WNT4: variants seen among roughly 807,000 people sequenced by gnomAD.
WNT4 encodes protein Wnt-4.
Under a neutral mutation model 34.5 loss-of-function variants are expected in WNT4, and 16 were observed. The observed-to-expected ratio is 0.46, with a 90% CI of 0.31 to 0.70. WNT4 has a LOEUF of 0.70. Among genes scored for constraint, WNT4 ranks in the 30% least tolerant of loss-of-function variants. WNT4 has a pLI of 0.04. For synonymous variants in WNT4, 200 were observed against 211.9 expected (o/e 0.94, Z 0.49); for missense variants, 379 against 495.9 (o/e 0.76, Z 2.24).
At position 22,129,847 on chromosome 1, in the gene WNT4, G is replaced by A; in HGVS notation, c.82C>T (p.Leu28=). 1 of 1,613,698 alleles carries A rather than the reference G, an allele frequency of 6.2e-7. No homozygotes were observed. The highest frequency in any genetic ancestry group is 2.2e-5 in the East Asian group (1 of 44,854). Residue 28 remains leucine (L), a synonymous_variant, in exon 2 of 5, where the codon CTG becomes TTG. Transcript: ENST00000290167. ...FSAAASNWLY[L]AKLSSVGSIS... is the part of the protein sequence containing the mutation. ...CTCCCCACCGACGACAGCTTGGCCA[G>A]GTACCTGGGGAGAGGGTGACACGTG...
intron 2 of WNT4, among the ~76,000 whole-genome samples, chr1:22,124,645 G>A (rs556634492): frequency 1.3e-5 from 2 of 152,196 alleles, no homozygotes; most frequent in Non-Finnish European, 2.9e-5. Context: ...GCAGTAAATG[G>A]CCAAGTGGGG....
intron 4 of WNT4, 81 bp from the exon 5 acceptor site, chr1:22,120,598 G>C: frequency 2.8e-6 from 4 of 1,420,600 alleles, no homozygotes; most frequent in Non-Finnish European, 3.9e-6. Context: ...TGACAGCCGA[G>C]CATCGGGGTC....
chr1:22,136,932 G>A (rs1187540670), intron 1 of WNT4, among the ~76,000 whole-genome samples: 1 of 152,156 alleles, frequency 6.6e-6, no homozygotes, highest in Admixed American at 6.5e-5. Flanking sequence ...TTGGGGAAGG[G>A]TCTCTAGGGC....
chr1:22,127,073 C>A, intron 2 of WNT4: 3 of 342,054 alleles, frequency 8.8e-6, no homozygotes, highest in Admixed American at 4.1e-5. Flanking sequence ...GGAAGAAAAC[C>A]AAAAACGTAA....
chr1:22,139,213 G>T lies in WNT4; in HGVS notation c.77+3633C>A, dbSNP rs568784485. Among the ~76,000 whole-genome samples, 3 of 152,304 alleles carry T rather than the reference G, an allele frequency of 2.0e-5. 1 individual carries two copies. In the South Asian group the frequency reaches 6.2e-4, roughly 32 times the overall value. On this transcript the variant is annotated intron_variant, in intron 1 of 4. Transcript: ENST00000290167. This position sits in a 1 kb window ranked among gnomAD's most constrained non-coding sequence, Gnocchi z 4.6. ...TTTCTCCACCACCCCTATCAATAGG[G>T]ACGCAGCCCTGCAGCTCCCTGACAG...
At position 22,140,389 on chromosome 1, in the gene WNT4, T is replaced by C. The variant is rs1287375353; in HGVS notation, c.77+2457A>G. The stretch of plus-strand genomic sequence containing the variant: ...TGAAACGTTGTTGGGATTTAGATCA[T>C]GCTGTGGGAGTCATCATAATAATTA... On this transcript the variant is annotated intron_variant, in intron 1 of 4. Transcript: ENST00000290167. This position sits in a 1 kb window ranked among gnomAD's most constrained non-coding sequence, Gnocchi z 5.9. 1 of 444,262 alleles carries C rather than the reference T, an allele frequency of 2.3e-6. No homozygotes were observed. The highest frequency in any genetic ancestry group is 1.6e-4 in the East Asian group (1 of 6,394). 27.5% of individuals were successfully genotyped at this position (444,262 alleles called of 1,614,324 possible). A position where few individuals can be genotyped will look rare whatever the true frequency, so the allele number is the denominator to read the frequency against.
In WNT4 at chr1:22,121,289, C is replaced by T; in HGVS notation, c.510G>A (p.Val170=). Residue 170 remains valine (V), a synonymous_variant, in exon 4 of 5, where the codon GTG becomes GTA. Transcript: ENST00000290167. ...CCCCCTTGCTTCTCTCCCGCACATC[C>T]ACAAACGACTGTGAGAAGGCCACAC... ...AYGVAFSQSF[V]DVRERSKGAS... is the part of the protein sequence containing the mutation. 6.2e-7 allele frequency: 1 copy of T among 1,614,178 alleles called. No individual in the cohort carries two copies. The highest frequency in any genetic ancestry group is 1.1e-5 in the South Asian group (1 of 91,080).
Position 22,125,089 on chromosome 1 carries a change from A to G in WNT4, c.314-3513T>C, listed in dbSNP as rs116126459. 9.7e-3 allele frequency among the ~76,000 whole-genome samples: 1,472 copies of G among 152,238 alleles called. 22 individuals are homozygous for G. Among genetic ancestry groups the G allele is most frequent in the African/African-American group, 0.033 (1,387 of 41,528 alleles). ...GCAAAGGTTTCAGAGCCAAAGCTGT[A>G]TTGGATTCTTACTAGCAGTGTGACC... On this transcript the variant is annotated intron_variant, in intron 2 of 4. Transcript: ENST00000290167.
intron 4 of WNT4, 121 bp downstream of exon 4, chr1:22,121,090 G>T: frequency 2.0e-6 from 3 of 1,498,478 alleles, no homozygotes; most frequent in Non-Finnish European, 2.7e-6. Context: ...CCTACAGAAG[G>T]TGCCAGGTGC....
intron 2 of WNT4, among the ~76,000 whole-genome samples, chr1:22,122,216 C>T (rs1248283443): frequency 6.6e-6 from 1 of 152,204 alleles, no homozygotes; most frequent in Admixed American, 6.5e-5. Flanking sequence ...ACGTAACCCC[C>T]AACCCCTACT....
intron 4 of WNT4, 92 bp downstream of exon 4, chr1:22,121,119 A>C: frequency 6.3e-7 from 1 of 1,574,834 alleles, no homozygotes; most frequent in Non-Finnish European, 8.6e-7. Context: ...GCCTGCACAA[A>C]TGTTTTCTGA....
chr1:22,129,950 G>A (rs1377042662), intron 1 of WNT4, 99 bp from the exon 2 acceptor site: 9 of 1,396,102 alleles, frequency 6.4e-6, no homozygotes, highest in African/African-American at 2.8e-5. Context: ...GAACTGACTC[G>A]TCCCAGTGAC....
Position 22,129,632 on chromosome 1 carries a change from G to A in WNT4, c.297C>T (p.Gly99=). 2 of 1,613,432 alleles carry A rather than the reference G, an allele frequency of 1.2e-6. No individual in the cohort carries two copies. Among genetic ancestry groups the A allele is most frequent in the Non-Finnish European group, 8.5e-7 (1 of 1,179,934 alleles). ...TTCCCTCACCTTGCGTCACCACCTT[G>A]CCGAAGACGGGCAAGGAGTCGAGTG... ...CSTLDSLPVF[G]KVVTQGTREA... Residue 99 remains glycine, a synonymous_variant, in exon 2 of 5, where the codon GGC becomes GGT. Coordinates refer to ENST00000290167, the MANE Select transcript of WNT4 (RefSeq NM_030761.5).
At chr1:22,128,517 A>G (rs1645957325) in intron 2 of WNT4, among the ~76,000 whole-genome samples, 3 of 151,968 alleles carry the variant, frequency 2.0e-5, no homozygotes, top group African/African-American at 7.3e-5. Context: ...GCCATCTCAC[A>G]TTTCTGGTCT....
chr1:22,138,784 G>C (rs1174499149), intron 1 of WNT4, among the ~76,000 whole-genome samples: 1 of 152,188 alleles, frequency 6.6e-6, no homozygotes, highest in African/African-American at 2.4e-5. Context: ...GCACATCTGG[G>C]CTGGCCGTGC....
At position 22,137,486 on chromosome 1, in the gene WNT4, T is replaced by C. The variant is rs1348929035; in HGVS notation, c.77+5360A>G. Among the ~76,000 whole-genome samples the C allele has an allele frequency of 2.0e-5, 3 of 152,210 alleles. No individual in the cohort carries two copies. The highest frequency in any genetic ancestry group is 2.0e-4 in the Admixed American group (3 of 15,286). On this transcript the variant is annotated intron_variant, in intron 1 of 4. Coordinates refer to ENST00000290167, the MANE Select transcript of WNT4 (RefSeq NM_030761.5). The surrounding 1 kb of genome is among the most constrained non-coding windows in gnomAD (Gnocchi z 5.3). ...CCTGGCCAATCTGCGCCCCACTGGC[T>C]AAGCCCAAGCCCCTCTTCCCAGAGG...
chr1:22,127,088 G>T (rs1281397565), intron 2 of WNT4: 1 of 353,548 alleles, frequency 2.8e-6, no homozygotes, highest in Non-Finnish European at 5.8e-6. Flanking sequence ...ACGTAAAAGG[G>T]AGGAGTTTGA....
At position 22,142,796 on chromosome 1, in the gene WNT4, CG is replaced by C. The variant is rs1394240705; in HGVS notation, c.77+49del. ...GCCGCCTGGCACCGGCCGCTGCCCC[CG>C]GGGCCTGCCCCGCCCCGCCCCGCCC... On this transcript the variant is annotated intron_variant, in intron 1 of 4. Transcript: ENST00000290167. The surrounding 1 kb of genome is among the most constrained non-coding windows in gnomAD (Gnocchi z 6.0). The C allele has an allele frequency of 1.8e-6, 2 of 1,081,364 alleles. No homozygotes were observed. Among genetic ancestry groups the C allele is most frequent in the South Asian group, 2.2e-5 (1 of 45,266 alleles). The allele number at this position is 1,081,364 out of a possible 1,614,324, so 67.0% of individuals were successfully genotyped here. A position where few individuals can be genotyped will look rare whatever the true frequency, so the allele number is the denominator to read the frequency against.
chr1:22,121,774 C>CGT (rs1337833356), intron 2 of WNT4, among the ~76,000 whole-genome samples, 198 bp from the exon 3 acceptor site: 1 of 152,204 alleles, frequency 6.6e-6, no homozygotes, highest in Non-Finnish European at 1.5e-5. Flanking sequence ...CTTTACCAGG[C>CGT]GTGGCTTAGG....
Sources: gnomAD v4.1 joint callset for allele counts (sites outside exome capture counted in the v4.1 genomes callset) on GRCh38, gnomAD v4.1.1 for gene constraint, Gnocchi (gnomAD v3.1) non-coding constraint, MANE v1.5 for transcripts, NCBI Gene and HGNC (gene_info 2026-07-23, HGNC 2026-07-21) for gene names.